Variants in ABCC1 observed in about 807,000 individuals in gnomAD.
The protein encoded by ABCC1 is multidrug resistance-associated protein 1.
In ABCC1, 83 loss-of-function variants were observed where a neutral mutation model predicts 172.9. The observed-to-expected ratio is 0.48, with a 90% CI of 0.40 to 0.58. The LOEUF (loss-of-function observed/expected upper bound fraction) is 0.58. Ranked by LOEUF, ABCC1 falls within the 20% of genes least tolerant of loss-of-function variation. ABCC1 has a pLI of 0.00. For synonymous variants in ABCC1, 937 were observed against 825.2 expected (o/e 1.14, Z -2.32); for missense variants, 1,817 against 2,002.7 (o/e 0.91, Z 1.77).
intron 10 of ABCC1, among the ~76,000 whole-genome samples, chr16:16,051,057 C>T (rs201201157): frequency 6.6e-6 from 1 of 152,154 alleles, no homozygotes; most frequent in East Asian, 1.9e-4. Context: ...AGAAAATTGT[C>T]TAACATCACG....
At chr16:16,028,054 C>T (rs191118965) in intron 5 of ABCC1, among the ~76,000 whole-genome samples, 99 of 152,242 alleles carry the variant, frequency 6.5e-4, no homozygotes, top group Admixed American at 3.9e-3. Context: ...CAGCTAGCCC[C>T]GTGCTATGCA....
intron 21 of ABCC1, among the ~76,000 whole-genome samples, chr16:16,107,833 T>C (rs2052202254): frequency 6.6e-6 from 1 of 151,884 alleles, no homozygotes; most frequent in African/African-American, 2.4e-5. Context: ...GTTTTTGTTT[T>C]TAAAGGGAAT....
At chr16:16,129,740 G>T (rs1385660664) in intron 26 of ABCC1, among the ~76,000 whole-genome samples, 1 of 152,036 alleles carries the variant, frequency 6.6e-6, no homozygotes, top group Admixed American at 6.6e-5. Context: ...GTTTCACCAT[G>T]TTGGTCAGGC....
chr16:16,134,269 G>T, intron 27 of ABCC1, 81 bp from the exon 28 acceptor site: 1 of 1,563,662 alleles, frequency 6.4e-7, no homozygotes, highest in East Asian at 2.2e-5. Context: ...CCTGAGGTGG[G>T]GCCGAGATGA....
At chr16:16,100,768 G>A (rs541054865) in intron 19 of ABCC1, among the ~76,000 whole-genome samples, 18 of 152,302 alleles carry the variant, frequency 1.2e-4, no homozygotes, top group Admixed American at 7.8e-4. Context: ...GTGCAGTCTC[G>A]TTTCACCCTC....
intron 9 of ABCC1, 152 bp from the exon 10 acceptor site, chr16:16,047,990 G>C (rs1399071061): frequency 1.0e-6 from 1 of 1,001,786 alleles, no homozygotes; most frequent in Non-Finnish European, 1.5e-6. Context: ...TGACACAGGC[G>C]TCCTGGGCAG....
At chr16:16,013,531 G>A (rs534606099) in intron 3 of ABCC1, among the ~76,000 whole-genome samples, 1 of 151,734 alleles carries the variant, frequency 6.6e-6, no homozygotes, top group East Asian at 1.9e-4. Flanking sequence ...AAAGTGCTGG[G>A]ATTACAGGCA....
At chr16:16,108,507 G>T (rs558335026) in intron 21 of ABCC1, among the ~76,000 whole-genome samples, 59 of 151,024 alleles carry the variant, frequency 3.9e-4, no homozygotes, top group African/African-American at 1.3e-3. Context: ...CTGACCTTGT[G>T]ATCTGCCTGC....
chr16:16,077,866 T>TA (rs1405954857), intron 15 of ABCC1, among the ~76,000 whole-genome samples: 1 of 151,868 alleles, frequency 6.6e-6, no homozygotes, highest in East Asian at 1.9e-4. Flanking sequence ...CTACTAAAAA[T>TA]AAAAAAACTA....
intron 21 of ABCC1, 22 bp from the exon 22 acceptor site, chr16:16,111,353 C>T (rs1026923525): frequency 1.9e-6 from 3 of 1,610,888 alleles, no homozygotes; most frequent in African/African-American, 2.7e-5. Flanking sequence ...TGCTAAGCTG[C>T]CTTATCTCCT....
At chr16:16,053,506 C>G (rs1262308886) in intron 11 of ABCC1, among the ~76,000 whole-genome samples, 1 of 151,672 alleles carries the variant, frequency 6.6e-6, no homozygotes, top group Non-Finnish European at 1.5e-5. Flanking sequence ...ATAAAAAAGT[C>G]CAAATCAAGC....
In ABCC1 at chr16:16,002,012, C is replaced by G. The variant is rs114903832; in HGVS notation, c.49-5804C>G. 5.3e-3 allele frequency among the ~76,000 whole-genome samples: 801 copies of G among 152,336 alleles called. 14 individuals are homozygous for G. The highest frequency in any genetic ancestry group is 0.019 in the African/African-American group (774 of 41,584). On this transcript the variant is annotated intron_variant, in intron 1 of 30. Transcript: ENST00000399410. ...GAGTTACAGATGGGAGCCACCACACCTGGCAGAGAAAGTGATCTTATCAAC... is the reference window on the plus strand; with the variant it reads ...GAGTTACAGATGGGAGCCACCACACGTGGCAGAGAAAGTGATCTTATCAAC...
intron 12 of ABCC1, among the ~76,000 whole-genome samples, chr16:16,063,084 T>C (rs765651544): frequency 1.3e-5 from 2 of 152,212 alleles, no homozygotes; most frequent in Non-Finnish European, 2.9e-5. Flanking sequence ...CACGACCATG[T>C]CATTTTATTT....
chr16:16,048,074 G>A (rs2049288650), intron 9 of ABCC1, 68 bp from the exon 10 acceptor site: 1 of 1,563,708 alleles, frequency 6.4e-7, no homozygotes, highest in African/African-American at 1.4e-5. Context: ...CTCTCCGTGG[G>A]TCTGGAGGGA....
intron 20 of ABCC1, among the ~76,000 whole-genome samples, chr16:16,103,435 C>A (rs1043960008): frequency 2.0e-5 from 3 of 152,022 alleles, no homozygotes; most frequent in East Asian, 1.9e-4. Flanking sequence ...CAAAAATTAG[C>A]CAGGCATGGT....
intron 11 of ABCC1, among the ~76,000 whole-genome samples, chr16:16,054,088 C>G (rs775183622): frequency 5.9e-5 from 9 of 151,936 alleles, no homozygotes; most frequent in Non-Finnish European, 1.3e-4. Context: ...AGTTCTCCTG[C>G]CTCAGCCTCC....
intron 1 of ABCC1, among the ~76,000 whole-genome samples, chr16:15,994,658 A>G (rs1228303282): frequency 1.3e-5 from 2 of 152,226 alleles, no homozygotes; most frequent in East Asian, 3.9e-4. Context: ...AGAGGAGAAA[A>G]TTCAAACAGT....
intron 1 of ABCC1, among the ~76,000 whole-genome samples, chr16:15,979,289 C>G (rs2046564502): frequency 7.0e-6 from 1 of 143,254 alleles, no homozygotes; most frequent in South Asian, 2.1e-4. Context: ...GACTCTGTCT[C>G]AAACAAACAA....
chr16:16,037,853 AC>A (rs1486104902), intron 7 of ABCC1, among the ~76,000 whole-genome samples: 45 of 152,108 alleles, frequency 3.0e-4, no homozygotes, highest in African/African-American at 1.1e-3. Context: ...GGACCTCGTG[AC>A]TCCGGTCGGA....
Sources: gnomAD v4.1 joint callset for allele counts (sites outside exome capture counted in the v4.1 genomes callset) on GRCh38, gnomAD v4.1.1 for gene constraint, MANE v1.5 for transcripts, NCBI Gene and HGNC (gene_info 2026-07-23, HGNC 2026-07-21) for gene names.